Variants in PPP2R2B observed in about 807,000 individuals in gnomAD.
PPP2R2B encodes the protein serine/threonine-protein phosphatase 2A 55 kDa regulatory subunit B beta isoform.
In PPP2R2B, 5 loss-of-function variants were observed where a neutral mutation model predicts 46.0. The observed-to-expected ratio is 0.11, with a 90% CI of 0.06 to 0.23. PPP2R2B has a LOEUF of 0.23. Ranked by LOEUF, PPP2R2B falls within the 10% of genes least tolerant of loss-of-function variation. The pLI is 1.00. For synonymous variants in PPP2R2B, 215 were observed against 206.7 expected, an observed-to-expected ratio of 1.04 and a Z score of -0.34; for missense variants, 367 against 575.0, an observed-to-expected ratio of 0.64 and a Z score of 3.70.
intron 1 of PPP2R2B, among the ~76,000 whole-genome samples, chr5:146,998,816 C>A (rs1163962537): frequency 6.6e-6 from 1 of 151,914 alleles, no homozygotes; most frequent in South Asian, 2.1e-4. Flanking sequence ...ACTCACTGAT[C>A]CTGAGGGATT....
At chr5:146,817,407 G>A (rs764175028) in intron 2 of PPP2R2B, among the ~76,000 whole-genome samples, 9 of 152,112 alleles carry the variant, frequency 5.9e-5, no homozygotes, top group Non-Finnish European at 8.8e-5. Context: ...AAACTTTGAT[G>A]ATAAATGTAT....
chr5:147,060,908 G>A (rs1269153239), upstream of PPP2R2B, among the ~76,000 whole-genome samples: 2 of 152,170 alleles, frequency 1.3e-5, no homozygotes, highest in Non-Finnish European at 2.9e-5. Flanking sequence ...AGAGGAGTTT[G>A]ATAAGTACAT....
At chr5:147,026,850 G>A (rs2151888752) in intron 1 of PPP2R2B, among the ~76,000 whole-genome samples, 1 of 152,274 alleles carries the variant, frequency 6.6e-6, no homozygotes, top group Admixed American at 6.5e-5. Context: ...GCTGGTGAGA[G>A]TGTAACTACT....
chr5:147,012,656 T>A (rs1171769512), intron 1 of PPP2R2B, among the ~76,000 whole-genome samples: 7 of 151,894 alleles, frequency 4.6e-5, no homozygotes, highest in African/African-American at 1.7e-4. Flanking sequence ...TTTCTAGTTC[T>A]TTTAATTGTG....
intron 2 of PPP2R2B, among the ~76,000 whole-genome samples, chr5:147,069,785 G>GATTTTTTTTT (rs1757521827): frequency 1.5e-5 from 1 of 64,786 alleles, no homozygotes; most frequent in Non-Finnish European, 2.5e-5. Flanking sequence ...ATTTTATACT[G>GATTTTTTTTT]TTTTTTTTTT....
At chr5:146,965,068 T>A (rs547366109) in intron 1 of PPP2R2B, among the ~76,000 whole-genome samples, 1 of 152,158 alleles carries the variant, frequency 6.6e-6, no homozygotes. Context: ...ACAAACTGTG[T>A]GTTTATATTT....
intron 5 of PPP2R2B, among the ~76,000 whole-genome samples, chr5:146,683,443 T>C (rs1002237963): frequency 6.6e-6 from 1 of 152,196 alleles, no homozygotes; most frequent in African/African-American, 2.4e-5. Context: ...GCAAGTTCCT[T>C]AACTTCCCTG....
At chr5:146,632,354 T>C (rs983671027) in intron 7 of PPP2R2B, among the ~76,000 whole-genome samples, 2 of 152,206 alleles carry the variant, frequency 1.3e-5, no homozygotes, top group East Asian at 3.9e-4. Flanking sequence ...ACACTTCATC[T>C]TGGGCTTCCA....
intron 5 of PPP2R2B, among the ~76,000 whole-genome samples, chr5:146,653,583 C>G (rs910809051): frequency 3.3e-5 from 5 of 152,172 alleles, no homozygotes; most frequent in African/African-American, 1.2e-4. Context: ...CCTGTGGCTC[C>G]TCCTAAACTC....
At chr5:146,657,895 G>A (rs1255263051) in intron 5 of PPP2R2B, among the ~76,000 whole-genome samples, 2 of 152,126 alleles carry the variant, frequency 1.3e-5, no homozygotes, top group Non-Finnish European at 2.9e-5. Flanking sequence ...TAGACTGACA[G>A]TATATATCAA....
At chr5:147,008,945 C>T (rs1232858491) in intron 1 of PPP2R2B, among the ~76,000 whole-genome samples, 1 of 152,146 alleles carries the variant, frequency 6.6e-6, no homozygotes, top group Non-Finnish European at 1.5e-5. Context: ...TCACATCGTC[C>T]TTAGATTGCA....
At chr5:146,974,924 CG>C (rs1429793938) in intron 1 of PPP2R2B, among the ~76,000 whole-genome samples, 2 of 151,958 alleles carry the variant, frequency 1.3e-5, no homozygotes, top group African/African-American at 4.8e-5. Context: ...CTCCCGACCT[CG>C]TGATCCGCCC....
intron 2 of PPP2R2B, among the ~76,000 whole-genome samples, chr5:146,811,089 C>T (rs1172004521): frequency 2.0e-5 from 3 of 152,102 alleles, no homozygotes; most frequent in African/African-American, 7.2e-5. Flanking sequence ...CTGCAACCTC[C>T]GCCTCCCGGG....
At chr5:146,807,834 T>TTG in intron 2 of PPP2R2B, among the ~76,000 whole-genome samples, 1 of 138,244 alleles carries the variant, frequency 7.2e-6, no homozygotes, top group Non-Finnish European at 1.5e-5. Flanking sequence ...AGTTTTGCTC[T>TTG]TGTTGCCCAG....
At chr5:146,620,072 A>G (rs1472463868) in intron 7 of PPP2R2B, among the ~76,000 whole-genome samples, 1 of 152,134 alleles carries the variant, frequency 6.6e-6, no homozygotes, top group African/African-American at 2.4e-5. Context: ...ATGGCTGAGG[A>G]AACAGAGGCT....
chr5:146,632,110 C>A (rs1220260661), intron 7 of PPP2R2B, among the ~76,000 whole-genome samples: 2 of 135,006 alleles, frequency 1.5e-5, no homozygotes, highest in African/African-American at 5.5e-5. Flanking sequence ...CCCAGTACTG[C>A]AAAATATAAC....
At chr5:146,782,895 A>T (rs1380416406) in intron 2 of PPP2R2B, among the ~76,000 whole-genome samples, 2 of 152,142 alleles carry the variant, frequency 1.3e-5, no homozygotes, top group Non-Finnish European at 2.9e-5. Context: ...AGAAAAGGAG[A>T]GAGAGAAAGA....
chr5:146,979,580 C>G (rs879692292), intron 1 of PPP2R2B, among the ~76,000 whole-genome samples: 1 of 151,836 alleles, frequency 6.6e-6, no homozygotes, highest in Non-Finnish European at 1.5e-5. Flanking sequence ...CACACACACA[C>G]ACACACACAC....
Position 146,803,434 on chromosome 5 carries a change from T to C in PPP2R2B, c.70+74568A>G, listed in dbSNP as rs143060662. On this transcript the variant is annotated intron_variant, in intron 2 of 9. Transcript: ENST00000394411. ...ATTTTAACATAACATTAAGTTTAAA[T>C]TCAGAACTGAGAACTGTTATGAGAA... Among the ~76,000 whole-genome samples, 6 of 152,330 alleles carry C rather than the reference T, an allele frequency of 3.9e-5. No homozygotes were observed. In the East Asian group the frequency reaches 1.2e-3, roughly 29 times the overall value.
Sources: gnomAD v4.1 joint callset for allele counts (sites outside exome capture counted in the v4.1 genomes callset) on GRCh38, gnomAD v4.1.1 for gene constraint, MANE v1.5 for transcripts, NCBI Gene and HGNC (gene_info 2026-07-23, HGNC 2026-07-21) for gene names.